The following BRCA2 variants were observed in gnomAD, a reference collection of about 807,000 sequenced individuals.
The protein encoded by BRCA2 is breast cancer type 2 susceptibility protein.
A neutral mutation model predicts 276.7 loss-of-function variants in BRCA2; 203 were observed. The ratio of observed to expected loss-of-function variants is 0.73; its 90% CI spans 0.65 to 0.82. The LOEUF is 0.82. BRCA2 is among the 40% of genes least tolerant of loss of function. The probability of loss-of-function intolerance (pLI) is 0.00; values close to 1 mark genes in which losing one functional copy is unlikely to be tolerated. For missense variants in BRCA2, 3,920 were observed against 3,915.0 expected, an observed-to-expected ratio of 1.00 and a Z score of -0.03; for synonymous variants, 1,289 against 1,338.4, an observed-to-expected ratio of 0.96 and a Z score of 0.81.
In BRCA2 at chr13:32,349,322, C is replaced by CAA. The variant is rs71802971; in HGVS notation, c.7007+2435_7007+2436dup. On this transcript the variant is annotated intron_variant, in intron 13 of 26. Transcript: ENST00000380152. ...ATCATTGAAGAAACTTACACACACA[C>CAA]AAAAAAAAAACAAGGAAAATAGGAA... 8.6e-4 allele frequency among the ~76,000 whole-genome samples: 123 copies of CAA among 143,196 alleles called. 2 individuals are homozygous for CAA. The highest frequency in any genetic ancestry group is 4.0e-4 in the East Asian group (2 of 4,946). 93.9% of individuals were successfully genotyped at this position (143,196 alleles called of 152,430 possible).
Position 32,377,586 on chromosome 13 carries a change from G to A in BRCA2, c.8754+795G>A, listed in dbSNP as rs574658545. 4.4e-4 allele frequency among the ~76,000 whole-genome samples: 18 copies of A among 41,014 alleles called. No homozygotes were observed. In the East Asian group the frequency reaches 9.7e-3, roughly 22 times the overall value. 26.9% of individuals were successfully genotyped at this position (41,014 alleles called of 152,430 possible). On this transcript the variant is annotated intron_variant, in intron 21 of 26. Coordinates refer to ENST00000380152, the MANE Select transcript of BRCA2 (RefSeq NM_000059.4). ...GCCTAGGCAACAAGAGCAAAACTCC[G>A]TCTCAAAAAAAAAAAAAAAAAGCTA...
At chr13:32,368,773 T>A (rs1208238920) in intron 18 of BRCA2, among the ~76,000 whole-genome samples, 1 of 151,180 alleles carries the variant, frequency 6.6e-6, no homozygotes, top group Non-Finnish European at 1.5e-5. Context: ...CAGTTTGTTG[T>A]TTGTTGTTTG....
In BRCA2 at chr13:32,356,567, A is replaced by T. The variant is rs2137563201; in HGVS notation, c.7575A>T (p.Ala2525=). ...CTCTGCCTCGAATCTCTCTGAAAGC[A>T]GCAGTAGGAGGCCAAGTTCCCTCTG... ...TSTLPRISLK[A]AVGGQVPSAC... The change falls in exon 15 of 27, where the codon GCA becomes GCT. Residue 2525 remains alanine, a synonymous_variant. Transcript: ENST00000380152. 3 of 1,614,242 alleles carry T rather than the reference A, an allele frequency of 1.9e-6. No homozygotes were observed. Among genetic ancestry groups the T allele is most frequent in the Non-Finnish European group, 2.5e-6 (3 of 1,180,036 alleles).
At position 32,349,814 on chromosome 13, in the gene BRCA2, CAA is replaced by C. The variant is rs11327981; in HGVS notation, c.7007+2935_7007+2936del. Reference sequence around the variant, plus strand: ...TGGACGACAGAGCAAGACCCCACATCAAAAAAAAAAAAAAAAAAGCAGCAGCA... The same window carrying C: ...TGGACGACAGAGCAAGACCCCACATCAAAAAAAAAAAAAAAAGCAGCAGCA... On this transcript the variant is annotated intron_variant, in intron 13 of 26. Transcript: ENST00000380152. Among the ~76,000 whole-genome samples, 1,026 of 115,668 alleles carry C rather than the reference CAA, an allele frequency of 8.9e-3. 14 individuals carry two copies. Among genetic ancestry groups the C allele is most frequent in the African/African-American group, 0.029 (863 of 29,934 alleles). The allele number at this position is 115,668 out of a possible 152,430, so 75.9% of individuals were successfully genotyped here.
At chr13:32,388,619 T>G (rs1032985065) in intron 24 of BRCA2, among the ~76,000 whole-genome samples, 4 of 152,024 alleles carry the variant, frequency 2.6e-5, no homozygotes, top group Non-Finnish European at 5.9e-5. Context: ...TAAGATAGGC[T>G]AGGCTAACCT....
chr13:32,329,983 T>C (rs1049221007), intron 8 of BRCA2, among the ~76,000 whole-genome samples: 1 of 152,180 alleles, frequency 6.6e-6, no homozygotes, highest in African/African-American at 2.4e-5. Context: ...AAATATCTTA[T>C]TGTTCTGTAC....
At chr13:32,378,904 G>A (rs374926216) in intron 21 of BRCA2, among the ~76,000 whole-genome samples, 1 of 152,176 alleles carries the variant, frequency 6.6e-6, no homozygotes, top group Admixed American at 6.5e-5. Context: ...TATGTGGCTT[G>A]TGCAAATTAG....
At position 32,365,109 on chromosome 13, in the gene BRCA2, C is replaced by CTTTTTTT. The variant is rs57551462; in HGVS notation, c.8331+1598_8331+1604dup. On this transcript the variant is annotated intron_variant, in intron 18 of 26. Coordinates refer to ENST00000380152, the MANE Select transcript of BRCA2 (RefSeq NM_000059.4). ...TAGCTCCTGCTAATTGCAGTGCATT[C>CTTTTTTT]TTTTTTTTTTTTTTTTTTTTTTTTT... is the stretch of plus-strand genomic sequence containing the variant. Among the ~76,000 whole-genome samples, 22 of 64,478 alleles carry CTTTTTTT rather than the reference C, an allele frequency of 3.4e-4. 2 individuals carry two copies. The highest frequency in any genetic ancestry group is 7.1e-4 in the African/African-American group (11 of 15,486). The allele number at this position is 64,478 out of a possible 152,430, so 42.3% of individuals were successfully genotyped here.
chr13:32,332,195 A>C (rs904905240), intron 9 of BRCA2, 77 bp from the exon 10 acceptor site: 1 of 1,346,470 alleles, frequency 7.4e-7, no homozygotes, highest in African/African-American at 1.5e-5. Flanking sequence ...AACTGTTTCT[A>C]TGAGAAAGGT....
In BRCA2 at chr13:32,394,767, A is replaced by G. The variant is rs1060502469; in HGVS notation, c.9335A>G (p.Asp3112Gly). Residue 3112 changes from aspartate (D) to glycine (G), a missense_variant, in exon 25 of 27, where the codon GAC becomes GGC. Physicochemically the swap from Asp to Gly is moderately conservative, Grantham distance 94 (BLOSUM62 -1). This residue lies in a region of BRCA2 where 657 missense variants were observed against 758.2 expected (regional missense o/e 0.87). Coordinates refer to ENST00000380152, the MANE Select transcript of BRCA2 (RefSeq NM_000059.4). ...AAGTTTTGGATAGACCTTAATGAGG[A>G]CATTATTAAGCCTCATATGTTAATT... is the stretch of plus-strand genomic sequence containing the variant. ...AIKFWIDLNE[D>G]IIKPHMLIAA... 1 of 1,613,970 alleles carries G rather than the reference A, an allele frequency of 6.2e-7. No individual in the cohort carries two copies. Among genetic ancestry groups the G allele is most frequent in the East Asian group, 2.2e-5 (1 of 44,882 alleles).
intron 25 of BRCA2, among the ~76,000 whole-genome samples, chr13:32,396,615 TATGAC>T (rs1443238486): frequency 6.6e-6 from 1 of 152,178 alleles, no homozygotes; most frequent in Non-Finnish European, 1.5e-5. Context: ...ATCCAGATCA[TATGAC>T]AGCTTGCTGA....
intron 24 of BRCA2, chr13:32,385,523 C>T: frequency 4.4e-6 from 1 of 227,384 alleles, no homozygotes; most frequent in Non-Finnish European, 9.6e-6. Flanking sequence ...ACTCCCACTT[C>T]TGCCTTCCTG....
intron 3 of BRCA2, among the ~76,000 whole-genome samples, chr13:32,320,711 G>T (rs1166167058): frequency 6.6e-6 from 1 of 152,160 alleles, no homozygotes; most frequent in Non-Finnish European, 1.5e-5. Flanking sequence ...TAGGTAATGG[G>T]CAAATATTTA....
In BRCA2 at chr13:32,338,987, CCTT is replaced by C. The variant is rs775673155; in HGVS notation, c.4633_4635del (p.Leu1545del). The C allele has an allele frequency of 6.2e-7, 1 of 1,613,412 alleles. No individual in the cohort carries two copies. Among genetic ancestry groups the C allele is most frequent in the South Asian group, 1.1e-5 (1 of 90,922 alleles). ...AGGAATCTTTGGACAAAGTGAAAAA[CCTT>C]TTTGATGAAAAAGAGCAAGGTACTA... On this transcript the variant is annotated inframe_deletion, in exon 11 of 27. Coordinates refer to ENST00000380152, the MANE Select transcript of BRCA2 (RefSeq NM_000059.4).
rs1406007520 is a variant in BRCA2, at chr13:32,359,729, G to A, written c.7805+1800G>A. Among the ~76,000 whole-genome samples the A allele has an allele frequency of 2.0e-5, 3 of 152,306 alleles. No individual in the cohort carries two copies. The East Asian group carries it at 5.8e-4, about 29-fold the overall frequency. On this transcript the variant is annotated intron_variant, in intron 16 of 26. Transcript: ENST00000380152. ...AGTAAGAAAAGTTGGTTAAACGGTTGTATTATTTTCTCGTACTAAATAGAC... is the reference window on the plus strand; with the variant it reads ...AGTAAGAAAAGTTGGTTAAACGGTTATATTATTTTCTCGTACTAAATAGAC...
chr13:32,333,537 C>A, intron 10 of BRCA2, 150 bp downstream of exon 10: 1 of 906,410 alleles, frequency 1.1e-6, no homozygotes, highest in Non-Finnish European at 1.7e-6. Flanking sequence ...TCTTTAATTA[C>A]CAGTGTTTAG....
At chr13:32,325,819 C>T (rs751636915) in intron 4 of BRCA2, among the ~76,000 whole-genome samples, 2 of 152,150 alleles carry the variant, frequency 1.3e-5, no homozygotes, top group African/African-American at 4.8e-5. Context: ...GGATTACAGG[C>T]GTGAACCACT....
rs2137482467 is a variant in BRCA2 at position 32,336,354 on chromosome 13, C to T, written c.1999C>T (p.Leu667=). 6.2e-7 allele frequency: 1 copy of T among 1,609,152 alleles called. No individual in the cohort carries two copies. The highest frequency in any genetic ancestry group is 8.5e-7 in the Non-Finnish European group (1 of 1,177,822). The part of the protein sequence containing the change: ...LSLTSSFGTI[L]RKCSRNETCS... ...CTTAACTAGCTCTTTTGGGACAATT[C>T]TGAGGAAATGTTCTAGAAATGAAAC... The change falls in exon 11 of 27, where the codon CTG becomes TTG. Residue 667 remains leucine (L), a synonymous_variant. Coordinates refer to ENST00000380152, the MANE Select transcript of BRCA2 (RefSeq NM_000059.4).
Position 32,363,384 on chromosome 13 carries a change from G to A in BRCA2, c.8182G>A (p.Val2728Ile), listed in dbSNP as rs28897749. 3.6e-3 allele frequency: 5,758 copies of A among 1,614,150 alleles called. 18 individuals are homozygous for A. Among genetic ancestry groups the A allele is most frequent in the Non-Finnish European group, 4.6e-3 (5,453 of 1,180,020 alleles). ...TGAACTTACAGATGGGTGGTATGCTGTTAAGGCCCAGTTAGATCCTCCCCT... is the reference window on the plus strand; with the variant it reads ...TGAACTTACAGATGGGTGGTATGCTATTAAGGCCCAGTTAGATCCTCCCCT... ...IIELTDGWYA[V>I]KAQLDPPLLA... Residue 2728 changes from valine to isoleucine, a missense_variant, in exon 18 of 27, where the codon GTT becomes ATT. Coordinates refer to ENST00000380152, the MANE Select transcript of BRCA2 (RefSeq NM_000059.4).
Sources: allele counts gnomAD v4.1 joint callset (sites outside exome capture counted in the v4.1 genomes callset), GRCh38; gene constraint gnomAD v4.1.1; regional missense constraint gnomAD v4.1.1; transcripts MANE v1.5; gene names NCBI Gene and HGNC (gene_info 2026-07-23, HGNC 2026-07-21).